Variants in AUTS2 observed in about 807,000 individuals in gnomAD.
AUTS2 encodes activator of transcription and developmental regulator AUTS2, also known as autism susceptibility gene 2 protein.
Under a neutral mutation model 112.4 loss-of-function variants are expected in AUTS2, and 17 were observed. The observed-to-expected ratio is 0.15, with a 90% confidence interval of 0.10 to 0.23. The LOEUF is 0.23. AUTS2 is among the 10% of genes least tolerant of loss of function. The pLI is 1.00. For missense variants in AUTS2, 1,510 were observed against 1,701.6 expected (o/e 0.89, Z 1.98); for synonymous variants, 751 against 702.7 (o/e 1.07, Z -1.09).
At chr7:69,926,441 G>GTCTATCTA (rs1232593486) in intron 2 of AUTS2, among the ~76,000 whole-genome samples, 123 of 140,272 alleles carry the variant, frequency 8.8e-4, no homozygotes, top group African/African-American at 1.7e-3. Flanking sequence ...CTGTCTGTCT[G>GTCTATCTA]TCTGTCTATC....
chr7:70,011,964 T>C (rs573224746), intron 2 of AUTS2, among the ~76,000 whole-genome samples: 1 of 152,178 alleles, frequency 6.6e-6, no homozygotes, highest in Non-Finnish European at 1.5e-5. Context: ...TCAGGAACCA[T>C]TGAGTTTTTT....
intron 1 of AUTS2, among the ~76,000 whole-genome samples, chr7:69,873,118 A>G (rs996888072): frequency 4.6e-5 from 7 of 152,032 alleles, no homozygotes; most frequent in African/African-American, 7.2e-5. Flanking sequence ...TATAGTCTAT[A>G]TTCTAAAGAG....
chr7:70,678,044 T>G (rs1165832002), intron 5 of AUTS2, among the ~76,000 whole-genome samples: 1 of 152,096 alleles, frequency 6.6e-6, no homozygotes, highest in Non-Finnish European at 1.5e-5. Context: ...ATGGTGCCAC[T>G]GCACTCCAGC....
At chr7:69,625,580 T>A (rs1793906784) in intron 1 of AUTS2, among the ~76,000 whole-genome samples, 1 of 152,128 alleles carries the variant, frequency 6.6e-6, no homozygotes, top group South Asian at 2.1e-4. Context: ...TTATTTGGGC[T>A]GCGCACGGTG....
At chr7:70,303,431 C>CGT (rs1255798233) in intron 4 of AUTS2, among the ~76,000 whole-genome samples, 5 of 133,192 alleles carry the variant, frequency 3.8e-5, no homozygotes, top group Admixed American at 7.6e-5. Flanking sequence ...CACGCGCGCG[C>CGT]GCGCACATAC....
At chr7:70,773,958 G>A (rs989688529) in intron 11 of AUTS2, 70 bp from the exon 12 acceptor site, 1 of 1,414,988 alleles carries the variant, frequency 7.1e-7, no homozygotes, top group African/African-American at 1.4e-5. Flanking sequence ...TTTAGCAGAA[G>A]GGAAGGATCT....
chr7:70,686,620 T>C (rs895680784), intron 5 of AUTS2, among the ~76,000 whole-genome samples: 7 of 151,830 alleles, frequency 4.6e-5, no homozygotes, highest in African/African-American at 1.2e-4. Flanking sequence ...TACTGCAACC[T>C]CCCGGGTTCA....
intron 5 of AUTS2, among the ~76,000 whole-genome samples, chr7:70,521,192 A>G (rs1225365119): frequency 1.3e-5 from 2 of 152,086 alleles, no homozygotes; most frequent in African/African-American, 4.8e-5. Context: ...TGTACTCTTC[A>G]TTTCTGGAAT....
At chr7:70,335,192 C>T (rs913226832) in intron 4 of AUTS2, among the ~76,000 whole-genome samples, 4 of 152,128 alleles carry the variant, frequency 2.6e-5, no homozygotes, top group Non-Finnish European at 4.4e-5. Context: ...GTCTTTGTGG[C>T]ATTAAGTTTC....
intron 6 of AUTS2, among the ~76,000 whole-genome samples, chr7:70,737,733 T>G (rs1170761719): frequency 6.6e-6 from 1 of 152,098 alleles, no homozygotes; most frequent in Non-Finnish European, 1.5e-5. Context: ...GATATTGAAA[T>G]AACCTAAAAT....
At chr7:69,912,251 T>C (rs1417936590) in intron 2 of AUTS2, among the ~76,000 whole-genome samples, 3 of 151,908 alleles carry the variant, frequency 2.0e-5, no homozygotes, top group East Asian at 3.9e-4. Flanking sequence ...GTAGCGAGAG[T>C]AGGCACTTCC....
At chr7:69,981,866 C>A (rs917734273) in intron 2 of AUTS2, among the ~76,000 whole-genome samples, 2 of 152,220 alleles carry the variant, frequency 1.3e-5, no homozygotes, top group Admixed American at 6.5e-5. Flanking sequence ...GATATGTACA[C>A]ACTTCGAGTT....
intron 4 of AUTS2, among the ~76,000 whole-genome samples, chr7:70,224,331 GTACAA>G (rs61077173): frequency 0.18 from 25,160 of 138,230 alleles, 2,416 homozygotes; most frequent in Admixed American, 0.24. Flanking sequence ...ATACAGTACA[GTACAA>G]TACAATACAA....
intron 1 of AUTS2, among the ~76,000 whole-genome samples, chr7:69,621,108 G>A (rs1245036803): frequency 1.3e-5 from 2 of 152,144 alleles, no homozygotes; most frequent in African/African-American, 2.4e-5. Flanking sequence ...ATTGAGTATT[G>A]GGTATTCTAA....
At chr7:69,759,660 G>A (rs1037735750) in intron 1 of AUTS2, among the ~76,000 whole-genome samples, 6 of 151,186 alleles carry the variant, frequency 4.0e-5, no homozygotes, top group Non-Finnish European at 5.9e-5. Context: ...CTCAGTGCCT[G>A]TGAACAAGTG....
chr7:69,612,530 GC>G (rs1366153154), intron 1 of AUTS2, among the ~76,000 whole-genome samples: 1 of 151,984 alleles, frequency 6.6e-6, no homozygotes, highest in African/African-American at 2.4e-5. Context: ...CGCAGTCATG[GC>G]TCACTGCAGC....
intron 4 of AUTS2, among the ~76,000 whole-genome samples, chr7:70,430,622 A>C (rs189233513): frequency 3.9e-5 from 6 of 152,332 alleles, no homozygotes; most frequent in African/African-American, 1.4e-4. Flanking sequence ...ATAGAACTCC[A>C]GATGCAACTC....
intron 5 of AUTS2, among the ~76,000 whole-genome samples, chr7:70,546,965 AT>A (rs1183230645): frequency 6.6e-6 from 1 of 152,116 alleles, no homozygotes; most frequent in Admixed American, 6.5e-5. Flanking sequence ...AATCAGATTT[AT>A]GTTTCTTACC....
intron 2 of AUTS2, among the ~76,000 whole-genome samples, chr7:69,907,290 G>A (rs1795185789): frequency 6.6e-6 from 1 of 152,142 alleles, no homozygotes; most frequent in Non-Finnish European, 1.5e-5. Context: ...TTTATCGTAG[G>A]ACTTCATCCT....
Sources: allele counts gnomAD v4.1 joint callset (sites outside exome capture counted in the v4.1 genomes callset), GRCh38; gene constraint gnomAD v4.1.1; transcripts MANE v1.5; gene names NCBI Gene and HGNC (gene_info 2026-07-23, HGNC 2026-07-21).